Variants in KIAA1217 observed in about 807,000 individuals in gnomAD.
KIAA1217 encodes sickle tail protein homolog.
Under a neutral mutation model 163.9 loss-of-function variants are expected in KIAA1217, and 88 were observed. The ratio of observed to expected loss-of-function variants is 0.54; its 90% CI spans 0.45 to 0.64. The LOEUF is 0.64. Among genes scored for constraint, KIAA1217 ranks in the 30% least tolerant of loss-of-function variants. KIAA1217 has a pLI of 0.00. For synonymous variants in KIAA1217, 903 were observed against 923.1 expected (o/e 0.98, Z 0.39); for missense variants, 2,372 against 2,475.0 (o/e 0.96, Z 0.88).
intron 1 of KIAA1217, among the ~76,000 whole-genome samples, chr10:23,846,769 A>G (rs1057312796): frequency 7.9e-5 from 12 of 152,134 alleles, no homozygotes; most frequent in Non-Finnish European, 1.6e-4. Context: ...TTCCAACACT[A>G]TGTTGAATAG....
chr10:24,440,222 G>C (rs1564683991), intron 5 of KIAA1217, among the ~76,000 whole-genome samples: 1 of 152,322 alleles, frequency 6.6e-6, no homozygotes, highest in East Asian at 1.9e-4. Flanking sequence ...TATACTTTAT[G>C]TGTAAACCAG....
chr10:24,029,139 G>T (rs1848089522), intron 2 of KIAA1217, among the ~76,000 whole-genome samples: 1 of 151,956 alleles, frequency 6.6e-6, no homozygotes. Context: ...GATTTTTTTA[G>T]GGAGAAAAAT....
intron 2 of KIAA1217, among the ~76,000 whole-genome samples, chr10:24,127,944 A>G (rs2131798745): frequency 6.6e-6 from 1 of 152,346 alleles, no homozygotes; most frequent in South Asian, 2.1e-4. Flanking sequence ...ATAAAAACAA[A>G]GAATTCACAC....
chr10:24,493,208 A>G (rs757327067), intron 6 of KIAA1217, among the ~76,000 whole-genome samples: 1 of 152,234 alleles, frequency 6.6e-6, no homozygotes, highest in African/African-American at 2.4e-5. Flanking sequence ...TTAATAGTGT[A>G]AGAATATACT....
intron 1 of KIAA1217, among the ~76,000 whole-genome samples, chr10:24,218,090 G>T (rs4394738): frequency 6.6e-6 from 1 of 152,090 alleles, no homozygotes; most frequent in Admixed American, 6.5e-5. Context: ...ACTGTTCTTC[G>T]TGAAGAGCCT....
intron 1 of KIAA1217, among the ~76,000 whole-genome samples, chr10:23,756,423 C>T (rs1009410126): frequency 4.6e-5 from 7 of 152,266 alleles, no homozygotes; most frequent in African/African-American, 1.4e-4. Context: ...ATAACCACGA[C>T]ATTCATTTTT....
chr10:24,063,664 C>A (rs2060822009), intron 2 of KIAA1217, among the ~76,000 whole-genome samples: 1 of 152,032 alleles, frequency 6.6e-6, no homozygotes, highest in Non-Finnish European at 1.5e-5. Flanking sequence ...TAGTTTTTTT[C>A]CAATTCTGTG....
chr10:23,843,358 C>T (rs1002381490), intron 1 of KIAA1217, among the ~76,000 whole-genome samples: 2 of 152,100 alleles, frequency 1.3e-5, no homozygotes, highest in African/African-American at 4.8e-5. Context: ...AATATCTAAG[C>T]CTTTTTCCAA....
At chr10:23,926,329 C>T (rs1194408526) in intron 1 of KIAA1217, among the ~76,000 whole-genome samples, 1 of 152,194 alleles carries the variant, frequency 6.6e-6, no homozygotes, top group Non-Finnish European at 1.5e-5. Flanking sequence ...AGTTTCTTGT[C>T]TTTGAAACAG....
chr10:24,150,997 G>C (rs989713963), intron 2 of KIAA1217, among the ~76,000 whole-genome samples: 3 of 152,142 alleles, frequency 2.0e-5, no homozygotes, highest in African/African-American at 7.2e-5. Flanking sequence ...ATATGCCTGA[G>C]AGTGAGACTT....
At chr10:23,926,002 A>G (rs1843003920) in intron 1 of KIAA1217, among the ~76,000 whole-genome samples, 1 of 152,174 alleles carries the variant, frequency 6.6e-6, no homozygotes, top group Non-Finnish European at 1.5e-5. Flanking sequence ...AAATGCGCAT[A>G]CTTACCCACA....
chr10:24,106,995 T>C (rs975120133), intron 2 of KIAA1217, among the ~76,000 whole-genome samples: 5 of 152,164 alleles, frequency 3.3e-5, no homozygotes, highest in African/African-American at 1.2e-4. Context: ...GTAATGACCA[T>C]AGTACCCAAT....
intron 1 of KIAA1217, among the ~76,000 whole-genome samples, chr10:23,904,765 GAGC>G: frequency 6.6e-6 from 1 of 152,034 alleles, no homozygotes; most frequent in Admixed American, 6.6e-5. Context: ...AAATATTGGT[GAGC>G]AGCAGCAATG....
At chr10:24,049,916 T>C (rs977844392) in intron 2 of KIAA1217, among the ~76,000 whole-genome samples, 8 of 152,154 alleles carry the variant, frequency 5.3e-5, no homozygotes, top group Non-Finnish European at 7.4e-5. Context: ...TAATTTACAC[T>C]CCCACCAACA....
intron 2 of KIAA1217, among the ~76,000 whole-genome samples, chr10:24,371,659 A>G (rs924782299): frequency 2.0e-5 from 3 of 152,156 alleles, no homozygotes; most frequent in African/African-American, 7.2e-5. Flanking sequence ...TTCCCCATGC[A>G]TTTGTGTTGT....
chr10:23,948,617 A>G (rs577529714), intron 1 of KIAA1217, among the ~76,000 whole-genome samples: 134 of 152,050 alleles, frequency 8.8e-4, no homozygotes, highest in Non-Finnish European at 1.3e-3. Context: ...CATTATTGCC[A>G]TTTTCCCTCC....
At position 24,054,965 on chromosome 10, in the gene KIAA1217, C is replaced by T. The variant is rs536606509; in HGVS notation, c.-171+47591C>T. 7.2e-5 allele frequency among the ~76,000 whole-genome samples: 11 copies of T among 152,182 alleles called. No homozygotes were observed. In the South Asian group the frequency reaches 2.1e-3, roughly 29 times the overall value. ...TGTTATGCAGCACATGACTATACTC[C>T]AAATAAGAATTTTCTTAGACGCTGG... On this transcript the variant is annotated intron_variant, in intron 2 of 18. Coordinates refer to the KIAA1217 transcript ENST00000376462.
chr10:24,364,678 A>G (rs1041817230), intron 2 of KIAA1217, among the ~76,000 whole-genome samples: 18 of 152,254 alleles, frequency 1.2e-4, no homozygotes, highest in African/African-American at 4.3e-4. Flanking sequence ...GCAGGAAAAG[A>G]TGTAACAGGT....
At chr10:24,400,966 C>T (rs925487530) in intron 3 of KIAA1217, among the ~76,000 whole-genome samples, 3 of 147,522 alleles carry the variant, frequency 2.0e-5, no homozygotes, top group Non-Finnish European at 3.0e-5. Context: ...GAAACATACA[C>T]ACACACACAC....
Sources: allele counts gnomAD v4.1 joint callset (sites outside exome capture counted in the v4.1 genomes callset), GRCh38; gene constraint gnomAD v4.1.1; transcripts MANE v1.5; gene names NCBI Gene and HGNC (gene_info 2026-07-23, HGNC 2026-07-21).